The following FAM81A variants were observed in gnomAD, a reference collection of about 807,000 sequenced individuals.
The protein encoded by FAM81A is family with sequence similarity 81 member A, also known as protein FAM81A.
In FAM81A, 19 loss-of-function variants were observed where a neutral mutation model predicts 46.7. The ratio of observed to expected loss-of-function variants is 0.41; its 90% CI spans 0.28 to 0.60. The LOEUF is 0.60. Among genes scored for constraint, FAM81A ranks in the 20% least tolerant of loss-of-function variants. The pLI is 0.34. For synonymous variants in FAM81A, 183 were observed against 152.9 expected, an observed-to-expected ratio of 1.20 and a Z score of -1.45; for missense variants, 377 against 453.5, an observed-to-expected ratio of 0.83 and a Z score of 1.53.
chr15:59,511,739 C>T (rs1167552129), intron 6 of FAM81A, among the ~76,000 whole-genome samples: 1 of 152,176 alleles, frequency 6.6e-6, no homozygotes, highest in Non-Finnish European at 1.5e-5. Context: ...GCAACCTCCA[C>T]CTCCCGGGTT....
intron 2 of FAM81A, among the ~76,000 whole-genome samples, chr15:59,412,566 A>C (rs2141540598): frequency 6.6e-6 from 1 of 152,204 alleles, no homozygotes; most frequent in East Asian, 1.9e-4. Context: ...TCTCTACAAA[A>C]AAATACAAAA....
intron 4 of FAM81A, among the ~76,000 whole-genome samples, chr15:59,502,491 G>C (rs1320807492): frequency 6.8e-6 from 1 of 146,018 alleles, no homozygotes; most frequent in Non-Finnish European, 1.5e-5. Flanking sequence ...TTCACTGTGT[G>C]TGTGTGTGTG....
chr15:59,519,919 A>G (rs1194837499), intron 8 of FAM81A, among the ~76,000 whole-genome samples: 2 of 152,108 alleles, frequency 1.3e-5, no homozygotes, highest in Admixed American at 1.3e-4. Context: ...TCTTTTGGGA[A>G]TATACCCAGT....
In FAM81A at chr15:59,398,302, A is replaced by C. The variant is rs541865754; in HGVS notation, c.-160-3974A>C. ...TGTAGGGTCTAAGTGTTTTCATAGGAATAAACACATGGGAGGAACACTGTG... is the reference window on the plus strand; with the variant it reads ...TGTAGGGTCTAAGTGTTTTCATAGGCATAAACACATGGGAGGAACACTGTG... On this transcript the variant is annotated intron_variant, in intron 1 of 4. Transcript: ENST00000558348. Among the ~76,000 whole-genome samples the C allele has an allele frequency of 2.0e-4, 31 of 152,328 alleles. No individual in the cohort carries two copies. The South Asian group carries it at 6.4e-3, about 32-fold the overall frequency.
chr15:59,503,676 G>A (rs757514001), intron 4 of FAM81A, among the ~76,000 whole-genome samples: 2 of 151,948 alleles, frequency 1.3e-5, no homozygotes, highest in African/African-American at 2.4e-5. Flanking sequence ...AGGCTCAAGC[G>A]ATTCTTGTGC....
chr15:59,453,096 T>A (rs1365531284), intron 1 of FAM81A, among the ~76,000 whole-genome samples: 1 of 152,186 alleles, frequency 6.6e-6, no homozygotes, highest in Non-Finnish European at 1.5e-5. Flanking sequence ...ATATGTATTC[T>A]ATCAGATGTT....
chr15:59,417,867 A>C (rs983476547), intron 2 of FAM81A, among the ~76,000 whole-genome samples: 1 of 152,006 alleles, frequency 6.6e-6, no homozygotes, highest in African/African-American at 2.4e-5. Flanking sequence ...GGTGTGCTGC[A>C]CCCATTAACT....
intron 2 of FAM81A, among the ~76,000 whole-genome samples, chr15:59,416,491 C>T (rs1432267749): frequency 1.3e-5 from 2 of 152,116 alleles, no homozygotes; most frequent in African/African-American, 2.4e-5. Flanking sequence ...GCAGAGAAGC[C>T]GTGAGATGCG....
chr15:59,405,209 C>A (rs1399554217), intron 2 of FAM81A, among the ~76,000 whole-genome samples: 4 of 152,152 alleles, frequency 2.6e-5, no homozygotes, highest in African/African-American at 7.2e-5. Flanking sequence ...TCTTTATGAT[C>A]TGTCTTCCAC....
intron 1 of FAM81A, among the ~76,000 whole-genome samples, chr15:59,443,045 T>C (rs1443959640): frequency 6.6e-6 from 1 of 152,328 alleles, no homozygotes; most frequent in East Asian, 1.9e-4. Flanking sequence ...GACCTAATAA[T>C]GTCCTTCATG....
intron 2 of FAM81A, 31 bp from the exon 3 acceptor site, chr15:59,459,902 A>C: frequency 1.2e-5 from 18 of 1,530,976 alleles, no homozygotes; most frequent in Non-Finnish European, 1.5e-5. Flanking sequence ...ATTTTTTCCC[A>C]ATTAACAACC....
Position 59,522,039 on chromosome 15 carries a change from A to G in FAM81A, c.*661A>G, listed in dbSNP as rs1298427210. On this transcript the variant is annotated 3_prime_UTR_variant, in exon 9 of 9. Transcript: ENST00000288228. ...ACTTATTTAGATAACGTAAGGCTCAATATCTGCGTTGACCACCTAGATATT... is the reference window on the plus strand; with the variant it reads ...ACTTATTTAGATAACGTAAGGCTCAGTATCTGCGTTGACCACCTAGATATT... The G allele has an allele frequency of 2.0e-5, 3 of 152,682 alleles. No individual in the cohort carries two copies. Among genetic ancestry groups the G allele is most frequent in the African/African-American group, 7.2e-5 (3 of 41,462 alleles). 9.5% of individuals were successfully genotyped at this position (152,682 alleles called of 1,614,324 possible).
chr15:59,462,235 T>A (rs544762425), intron 3 of FAM81A, among the ~76,000 whole-genome samples: 8 of 152,100 alleles, frequency 5.3e-5, no homozygotes, highest in African/African-American at 1.9e-4. Flanking sequence ...GCCAAATAAT[T>A]TTCCAAAGTG....
chr15:59,414,661 G>GAT (rs145985992), intron 2 of FAM81A, among the ~76,000 whole-genome samples: 7,920 of 152,150 alleles, frequency 0.052, 306 homozygotes, highest in Non-Finnish European at 0.076. Context: ...CTTTTTTGAG[G>GAT]ATCTGTATTT....
intron 3 of FAM81A, among the ~76,000 whole-genome samples, chr15:59,462,431 T>C (rs1273094714): frequency 6.6e-6 from 1 of 152,184 alleles, no homozygotes; most frequent in African/African-American, 2.4e-5. Context: ...CATATGCTTA[T>C]TGATCATTTG....
Position 59,521,303 on chromosome 15 carries a change from G to C in FAM81A, c.1032G>C (p.Glu344Asp), listed in dbSNP as rs2082325577. The change falls in exon 9 of 9, where the codon GAG (glutamate) becomes GAC (aspartate). Residue 344 changes from glutamate to aspartate, a missense_variant. Glu to Asp is a conservative substitution (Grantham distance 45). Transcript: ENST00000288228. ...TAGGATCCCTCAGGCAAGTTCTCGA[G>C]GCCAAGATGAAGCTGGACAGGGACC... The part of the protein sequence containing the change: ...ESIGSLRQVL[E>D]AKMKLDRDQL... The C allele has an allele frequency of 6.2e-7, 1 of 1,613,696 alleles. No individual in the cohort carries two copies. Among genetic ancestry groups the C allele is most frequent in the Non-Finnish European group, 8.5e-7 (1 of 1,179,808 alleles).
At chr15:59,485,000 G>A (rs2081900222) in intron 3 of FAM81A, among the ~76,000 whole-genome samples, 3 of 152,178 alleles carry the variant, frequency 2.0e-5, no homozygotes, top group African/African-American at 4.8e-5. Flanking sequence ...ATTCCCTTTG[G>A]GCATGTGGTA....
intron 8 of FAM81A, 150 bp downstream of exon 8, chr15:59,516,990 T>C: frequency 1.3e-6 from 1 of 758,842 alleles, no homozygotes; most frequent in South Asian, 2.3e-5. Context: ...TGTGCTGTAT[T>C]TTCTAAGTAG....
At chr15:59,422,969 TAATGATAATAATGA>T (rs1165609169) in intron 2 of FAM81A, among the ~76,000 whole-genome samples, 1 of 152,246 alleles carries the variant, frequency 6.6e-6, no homozygotes, top group East Asian at 1.9e-4. Flanking sequence ...GCCTATGGAA[TAATGATAATAATGA>T]TAGTAACAGC....
Sources: allele counts gnomAD v4.1 joint callset (sites outside exome capture counted in the v4.1 genomes callset), GRCh38; gene constraint gnomAD v4.1.1; transcripts MANE v1.5; gene names NCBI Gene and HGNC (gene_info 2026-07-23, HGNC 2026-07-21).